The following TC2N variants were observed in gnomAD, a reference collection of about 807,000 sequenced individuals.
TC2N encodes the protein tandem C2 domains nuclear protein.
In TC2N, 51 loss-of-function variants were observed where a neutral mutation model predicts 61.9. The ratio of observed to expected loss-of-function variants is 0.82; its 90% CI spans 0.66 to 1.04. The LOEUF is 1.04. Among genes scored for constraint, TC2N ranks in the 50% least tolerant of loss-of-function variants. The pLI, the probability that TC2N is intolerant of heterozygous loss-of-function variation, is 0.00. For missense variants in TC2N, 556 were observed against 566.7 expected (o/e 0.98, Z 0.19); for synonymous variants, 204 against 192.6 (o/e 1.06, Z -0.49).
Position 91,782,976 on chromosome 14 carries a change from C to T in TC2N, c.*124G>A, listed in dbSNP as rs1019592244. The T allele has an allele frequency of 2.1e-5, 13 of 617,080 alleles. No individual in the cohort carries two copies. The highest frequency in any genetic ancestry group is 1.5e-4 in the African/African-American group (8 of 53,374). The allele number at this position is 617,080 out of a possible 1,614,324, so 38.2% of individuals were successfully genotyped here. On this transcript the variant is annotated 3_prime_UTR_variant, in exon 12 of 12. Transcript: ENST00000435962. ...AATTTTCTATCAGATACATTATATA[C>T]CATAATTATAGCCCCCATAAATTGA...
intron 6 of TC2N, among the ~76,000 whole-genome samples, 200 bp from the exon 7 acceptor site, chr14:91,798,599 C>A (rs1399528669): frequency 2.0e-5 from 3 of 151,864 alleles, no homozygotes; most frequent in Non-Finnish European, 4.4e-5. Context: ...ATAAAAAGGT[C>A]TCATGGTTTT....
intron 3 of TC2N, among the ~76,000 whole-genome samples, chr14:91,803,668 G>A (rs933000658): frequency 3.9e-5 from 6 of 152,038 alleles, no homozygotes; most frequent in African/African-American, 1.4e-4. Context: ...TGTTGGCCAG[G>A]CTGGTCTTGA....
chr14:91,856,124 G>A (rs1371895156), intron 1 of TC2N, among the ~76,000 whole-genome samples: 2 of 152,142 alleles, frequency 1.3e-5, no homozygotes, highest in African/African-American at 4.8e-5. Flanking sequence ...ACAAGGAAAC[G>A]AAAAAGCACC....
At position 91,782,935 on chromosome 14, in the gene TC2N, T is replaced by C. The variant is rs1289867891; in HGVS notation, c.*165A>G. On this transcript the variant is annotated 3_prime_UTR_variant, in exon 12 of 12. Transcript: ENST00000435962. Reference sequence around the variant, plus strand: ...TACTTTGGATATCTGATAAAATTCATTACATTTTCTTATCAAATTTTCTAT... The same window carrying C: ...TACTTTGGATATCTGATAAAATTCACTACATTTTCTTATCAAATTTTCTAT... 5 of 505,932 alleles carry C rather than the reference T, an allele frequency of 9.9e-6. No homozygotes were observed. Among genetic ancestry groups the C allele is most frequent in the East Asian group, 3.2e-5 (1 of 31,056 alleles). 31.3% of individuals were successfully genotyped at this position (505,932 alleles called of 1,614,324 possible). A position where few individuals can be genotyped will look rare whatever the true frequency, so the allele number is the denominator to read the frequency against.
chr14:91,861,389 G>A (rs1437834659), intron 1 of TC2N, among the ~76,000 whole-genome samples: 1 of 152,220 alleles, frequency 6.6e-6, no homozygotes, highest in Non-Finnish European at 1.5e-5. Flanking sequence ...GAAGAAAAGA[G>A]GAATTTAAGG....
Position 91,801,036 on chromosome 14 carries a change from GTATACATA to G in TC2N, c.470-672_470-665del, listed in dbSNP as rs554856333. 3.2e-4 allele frequency among the ~76,000 whole-genome samples: 47 copies of G among 145,762 alleles called. No individual in the cohort carries two copies. In the South Asian group the frequency reaches 9.4e-3, roughly 29 times the overall value. On this transcript the variant is annotated intron_variant, in intron 4 of 11. Transcript: ENST00000435962. ...TATACATATATATACACACACATAT[GTATACATA>G]TATACATATATACACATACATATAT...
At chr14:91,802,893 CA>C (rs1886328507) in intron 3 of TC2N, among the ~76,000 whole-genome samples, 6 of 150,514 alleles carry the variant, frequency 4.0e-5, no homozygotes, top group African/African-American at 1.5e-4. Flanking sequence ...AGTTGGAAAT[CA>C]AATAGCAAAA....
intron 3 of TC2N, among the ~76,000 whole-genome samples, chr14:91,809,606 T>C (rs1886676772): frequency 6.6e-6 from 1 of 151,598 alleles, no homozygotes; most frequent in Admixed American, 6.6e-5. Flanking sequence ...ACAAAGTGAG[T>C]TATCTGTTTT....
At chr14:91,844,870 A>G (rs1368890396) in intron 1 of TC2N, among the ~76,000 whole-genome samples, 1 of 151,506 alleles carries the variant, frequency 6.6e-6, no homozygotes, top group African/African-American at 2.4e-5. Context: ...ATACTTGGGG[A>G]TGACAATAGC....
chr14:91,793,846 T>C (rs76504892), intron 8 of TC2N, among the ~76,000 whole-genome samples: 2,440 of 152,170 alleles, frequency 0.016, 61 homozygotes, highest in African/African-American at 0.054. Flanking sequence ...CAAACGTACA[T>C]CTCCGACTTT....
intron 1 of TC2N, among the ~76,000 whole-genome samples, chr14:91,829,893 A>G (rs1266823003): frequency 6.6e-6 from 1 of 152,184 alleles, no homozygotes; most frequent in African/African-American, 2.4e-5. Context: ...TAAAATGGAC[A>G]AAAGAATTAG....
At chr14:91,806,771 T>G (rs530668971) in intron 3 of TC2N, among the ~76,000 whole-genome samples, 2 of 152,062 alleles carry the variant, frequency 1.3e-5, no homozygotes, top group Admixed American at 6.5e-5. Context: ...TGAGGAGAAA[T>G]TCAAGCCACC....
At chr14:91,810,413 GA>G (rs1433716199) in intron 3 of TC2N, among the ~76,000 whole-genome samples, 1 of 152,128 alleles carries the variant, frequency 6.6e-6, no homozygotes, top group African/African-American at 2.4e-5. Context: ...GAGGATGGGA[GA>G]AAGGGAGGAA....
chr14:91,843,779 T>A (rs1401906501), intron 1 of TC2N, among the ~76,000 whole-genome samples: 1 of 152,216 alleles, frequency 6.6e-6, no homozygotes, highest in Non-Finnish European at 1.5e-5. Flanking sequence ...TTCAAGGACA[T>A]CTTTTTTAAG....
chr14:91,797,844 C>T lies in TC2N; in HGVS notation c.796G>A (p.Gly266Arg). 2 of 1,610,926 alleles carry T rather than the reference C, an allele frequency of 1.2e-6. No homozygotes were observed. Among genetic ancestry groups the T allele is most frequent in the African/African-American group, 1.3e-5 (1 of 74,684 alleles). Residue 266 changes from glycine (G) to arginine (R), a missense_variant, in exon 8 of 12, where the codon GGA becomes AGA. By Grantham distance (125) the Gly-to-Arg change is moderately radical. Transcript: ENST00000435962. ...ACTGGTTTGGGCAATGTAAGTATTC[C>T]TTTTATAGAAACAGTAGGAGTGTCT... is the stretch of plus-strand genomic sequence containing the variant. ...YGDTPTVSIK[G>R]ILTLPKPVHF...
chr14:91,849,480 T>C (rs1284327380), intron 1 of TC2N, among the ~76,000 whole-genome samples: 1 of 152,228 alleles, frequency 6.6e-6, no homozygotes, highest in Non-Finnish European at 1.5e-5. Context: ...ATTTCTTGGT[T>C]GCATTCTTGG....
intron 3 of TC2N, among the ~76,000 whole-genome samples, chr14:91,807,573 T>C (rs1188221527): frequency 1.3e-5 from 2 of 152,238 alleles, no homozygotes; most frequent in African/African-American, 4.8e-5. Context: ...CCTTAGCCCC[T>C]TCATTTCAGC....
intron 3 of TC2N, among the ~76,000 whole-genome samples, chr14:91,805,197 C>G (rs1886451670): frequency 6.6e-6 from 1 of 151,798 alleles, no homozygotes; most frequent in Non-Finnish European, 1.5e-5. Context: ...ATACGTAGGC[C>G]TAGGCTAATG....
intron 1 of TC2N, among the ~76,000 whole-genome samples, chr14:91,841,429 T>A (rs905475166): frequency 6.6e-6 from 1 of 152,208 alleles, no homozygotes; most frequent in Non-Finnish European, 1.5e-5. Flanking sequence ...AAAAGAAGAA[T>A]TGAGGCAAGA....
Sources: allele counts gnomAD v4.1 joint callset (sites outside exome capture counted in the v4.1 genomes callset), GRCh38; gene constraint gnomAD v4.1.1; transcripts MANE v1.5; gene names NCBI Gene and HGNC (gene_info 2026-07-23, HGNC 2026-07-21).